SBF2: variants seen among roughly 807,000 people sequenced by gnomAD.
SBF2 encodes the protein SET binding factor 2, also known as myotubularin-related protein 13.
Under a neutral mutation model 225.2 loss-of-function variants are expected in SBF2, and 112 were observed. The observed-to-expected ratio is 0.50, with a 90% CI of 0.43 to 0.58. SBF2 has a LOEUF of 0.58. SBF2 is among the 20% of genes least tolerant of loss of function. The pLI is 0.00. For synonymous variants in SBF2, 763 were observed against 773.3 expected, an observed-to-expected ratio of 0.99 and a Z score of 0.22; for missense variants, 1,996 against 2,206.2, an observed-to-expected ratio of 0.90 and a Z score of 1.91.
At chr11:9,898,361 T>C (rs1228539803) in intron 16 of SBF2, among the ~76,000 whole-genome samples, 1 of 146,146 alleles carries the variant, frequency 6.8e-6, no homozygotes, top group Non-Finnish European at 1.5e-5. Context: ...TCTATTGCAA[T>C]GACTACTGAA....
chr11:10,135,940 T>C (rs1231433746), intron 2 of SBF2, among the ~76,000 whole-genome samples: 1 of 152,126 alleles, frequency 6.6e-6, no homozygotes, highest in Admixed American at 6.5e-5. Context: ...ATTGTATTAG[T>C]CCATTTTTAT....
At chr11:9,876,001 G>C (rs1473067977) in intron 17 of SBF2, among the ~76,000 whole-genome samples, 1 of 151,488 alleles carries the variant, frequency 6.6e-6, no homozygotes, top group Non-Finnish European at 1.5e-5. Flanking sequence ...CAAGATAAAC[G>C]GAAGAAAAGA....
intron 3 of SBF2, among the ~76,000 whole-genome samples, chr11:10,037,046 A>G (rs1949463241): frequency 6.6e-6 from 1 of 152,148 alleles, no homozygotes; most frequent in African/African-American, 2.4e-5. Flanking sequence ...TGTTGCACCA[A>G]TTAATCATAG....
In SBF2 at chr11:9,962,263, A is replaced by AC. The variant is rs35824679; in HGVS notation, c.1711-158dup. ...AGGGAATAGGTGATTTATTATTAAGACAATTATAAAATAGATTTGTGGTTA... is the reference window on the plus strand; with the variant it reads ...AGGGAATAGGTGATTTATTATTAAGACCAATTATAAAATAGATTTGTGGTTA... On this transcript the variant is annotated intron_variant, in intron 15 of 39. Coordinates refer to ENST00000256190, the MANE Select transcript of SBF2 (RefSeq NM_030962.4). 0.51 allele frequency among the ~76,000 whole-genome samples: 77,845 copies of AC among 151,982 alleles called. 20,429 individuals carry two copies. The highest frequency in any genetic ancestry group is 0.61 in the Admixed American group (9,296 of 15,268).
chr11:9,789,085 G>A, intron 35 of SBF2, 24 bp downstream of exon 35: 7 of 1,603,234 alleles, frequency 4.4e-6, no homozygotes, highest in Non-Finnish European at 4.3e-6. Flanking sequence ...GGTGCCCCTA[G>A]GTGTGTGTCT....
chr11:10,304,171 C>T (rs1964626650), intron 1 of SBF2, among the ~76,000 whole-genome samples: 1 of 152,102 alleles, frequency 6.6e-6, no homozygotes, highest in African/African-American at 2.4e-5. Context: ...CTGTGAAGCT[C>T]AAAGTAGACT....
intron 2 of SBF2, among the ~76,000 whole-genome samples, chr11:10,089,439 C>G (rs1337978701): frequency 2.0e-5 from 3 of 152,130 alleles, no homozygotes; most frequent in African/African-American, 4.8e-5. Context: ...TTTCTTTCTT[C>G]TTGAATGCCT....
In SBF2 at chr11:10,238,301, C is replaced by T. The variant is rs535327545; in HGVS notation, c.56-44314G>A. Among the ~76,000 whole-genome samples the T allele has an allele frequency of 5.3e-5, 8 of 152,038 alleles. No individual in the cohort carries two copies. The East Asian group carries it at 5.8e-4, about 11-fold the overall frequency. ...GCGCACACCGGCAATCCCAGCTACT[C>T]GGGAGGCTGAGGTGGGAGGACTGCC... On this transcript the variant is annotated intron_variant, in intron 1 of 39. Coordinates refer to ENST00000256190, the MANE Select transcript of SBF2 (RefSeq NM_030962.4).
intron 1 of SBF2, among the ~76,000 whole-genome samples, chr11:10,194,996 A>C (rs75280162): frequency 0.021 from 3,249 of 152,318 alleles, 62 homozygotes; most frequent in South Asian, 0.042. Flanking sequence ...TAACAAATGA[A>C]ATGGCACTGC....
rs1187599830 is a variant in SBF2 at position 9,895,957 on chromosome 11, T to C, written c.1915A>G (p.Ser639Gly). 1.9e-6 allele frequency: 3 copies of C among 1,612,416 alleles called. No individual in the cohort carries two copies. Among genetic ancestry groups the C allele is most frequent in the Admixed American group, 1.7e-5 (1 of 60,014 alleles). ...ATGAAACTTACCCTATAGAAAGCACTGGTCAAAGGGAGTAATGCTGCGGCA... is the reference window on the plus strand; with the variant it reads ...ATGAAACTTACCCTATAGAAAGCACCGGTCAAAGGGAGTAATGCTGCGGCA... ...NIAAALLPLTSAFYRKLAPGV... is the reference protein window; with the variant it reads ...NIAAALLPLTGAFYRKLAPGV... Residue 639 changes from serine to glycine, a missense_variant, in exon 17 of 40, where the codon AGT (serine) becomes GGT (glycine). Ser to Gly is a moderately conservative substitution (Grantham distance 56). Coordinates refer to ENST00000256190, the MANE Select transcript of SBF2 (RefSeq NM_030962.4).
chr11:10,221,425 T>C (rs1373887498), intron 1 of SBF2, among the ~76,000 whole-genome samples: 4 of 152,178 alleles, frequency 2.6e-5, no homozygotes, highest in African/African-American at 9.6e-5. Flanking sequence ...GCCAAGACTG[T>C]TACTTCCTAA....
chr11:10,033,823 T>C (rs1466963407), intron 3 of SBF2, among the ~76,000 whole-genome samples: 3 of 152,162 alleles, frequency 2.0e-5, no homozygotes, highest in African/African-American at 7.2e-5. Context: ...AGCTGCTAGA[T>C]GTATTCTATG....
At chr11:9,970,437 C>T (rs1867257266) in intron 13 of SBF2, among the ~76,000 whole-genome samples, 1 of 152,102 alleles carries the variant, frequency 6.6e-6, no homozygotes, top group South Asian at 2.1e-4. Flanking sequence ...GATTTCCTGA[C>T]CTCGTGATCC....
intron 9 of SBF2, among the ~76,000 whole-genome samples, chr11:9,996,061 A>G (rs1210476062): frequency 6.6e-6 from 1 of 152,150 alleles, no homozygotes; most frequent in Non-Finnish European, 1.5e-5. Flanking sequence ...CCAAAAAGGA[A>G]TTTTACACAT....
At chr11:10,251,696 C>A (rs940925490) in intron 1 of SBF2, among the ~76,000 whole-genome samples, 2 of 152,146 alleles carry the variant, frequency 1.3e-5, no homozygotes, top group African/African-American at 2.4e-5. Flanking sequence ...CTCCCTGGTG[C>A]GCTGTATTCT....
At chr11:9,862,732 T>A (rs1298080155) in intron 17 of SBF2, among the ~76,000 whole-genome samples, 2 of 152,190 alleles carry the variant, frequency 1.3e-5, no homozygotes, top group African/African-American at 2.4e-5. Flanking sequence ...ATAATTTATT[T>A]AAAAAAATTT....
At chr11:10,006,006 T>TCCTACCA (rs1948172534) in intron 6 of SBF2, among the ~76,000 whole-genome samples, 1 of 152,132 alleles carries the variant, frequency 6.6e-6, no homozygotes, top group East Asian at 1.9e-4. Flanking sequence ...GACAAGAGGT[T>TCCTACCA]CATGAGAGTG....
At chr11:10,155,435 T>C (rs7951378) in intron 2 of SBF2, among the ~76,000 whole-genome samples, 1,697 of 152,262 alleles carry the variant, frequency 0.011, 23 homozygotes, top group African/African-American at 0.039. Flanking sequence ...TCAAAGAAAG[T>C]AGAGACAGAA....
At chr11:10,033,937 C>G (rs1472633580) in intron 3 of SBF2, among the ~76,000 whole-genome samples, 1 of 152,016 alleles carries the variant, frequency 6.6e-6, no homozygotes, top group East Asian at 1.9e-4. Flanking sequence ...GCAGGAAATT[C>G]AAAACATAGT....
Sources: gnomAD v4.1 joint callset for allele counts (sites outside exome capture counted in the v4.1 genomes callset) on GRCh38, gnomAD v4.1.1 for gene constraint, MANE v1.5 for transcripts, NCBI Gene and HGNC (gene_info 2026-07-23, HGNC 2026-07-21) for gene names.